The following TMTC3 variants were observed in gnomAD, a reference collection of about 807,000 sequenced individuals.
TMTC3 encodes the protein transmembrane O-mannosyltransferase targeting cadherins 3.
In TMTC3, 52 loss-of-function variants were observed where a neutral mutation model predicts 92.2. That is an observed-to-expected ratio of 0.56 (90% CI 0.45 to 0.71). The LOEUF (loss-of-function observed/expected upper bound fraction) is 0.71, where lower values mean the gene tolerates loss of function less well. TMTC3 is among the 30% of genes least tolerant of loss of function. The pLI is 0.00. For missense variants in TMTC3, 896 were observed against 1,057.1 expected (o/e 0.85, Z 2.11); for synonymous variants, 339 against 363.3 (o/e 0.93, Z 0.76).
At chr12:88,154,444 T>A (rs1057505218) in intron 4 of TMTC3, 57 bp downstream of exon 4, 1 of 1,213,984 alleles carries the variant, frequency 8.2e-7, no homozygotes, top group African/African-American at 1.5e-5. Context: ...TTAAGGAATT[T>A]TTATTTACTC....
chr12:88,161,143 A>G (rs1449811963), intron 6 of TMTC3, among the ~76,000 whole-genome samples: 2 of 152,070 alleles, frequency 1.3e-5, no homozygotes, highest in Non-Finnish European at 2.9e-5. Flanking sequence ...TTGTCTACTC[A>G]TTCTGTCAGT....
At chr12:88,180,033 A>T (rs1044149687) in intron 10 of TMTC3, among the ~76,000 whole-genome samples, 1 of 152,050 alleles carries the variant, frequency 6.6e-6, no homozygotes, top group Non-Finnish European at 1.5e-5. Flanking sequence ...TTTCCCTATA[A>T]CTTTTTCTTA....
Position 88,188,858 on chromosome 12 carries a change from A to G in TMTC3, c.1448A>G (p.His483Arg), listed in dbSNP as rs766330870. 1.9e-6 allele frequency: 3 copies of G among 1,577,212 alleles called. No individual in the cohort carries two copies. Among genetic ancestry groups the G allele is most frequent in the African/African-American group, 1.4e-5 (1 of 73,368 alleles). Residue 483 changes from histidine to arginine, a missense_variant, in exon 11 of 14, where the codon CAT (histidine) becomes CGT (arginine). Coordinates refer to ENST00000266712, the MANE Select transcript of TMTC3 (RefSeq NM_181783.4). ...THVQPDDIGAHMNVGRTYKNL... is the reference protein window; with the variant it reads ...THVQPDDIGARMNVGRTYKNL... ...AAAATTTTAGATGATATTGGTGCCC[A>G]TATGAATGTAGGAAGAACTTATAAA...
chr12:88,170,773 G>A (rs996898341), intron 7 of TMTC3, among the ~76,000 whole-genome samples: 3 of 152,170 alleles, frequency 2.0e-5, no homozygotes, highest in Non-Finnish European at 2.9e-5. Context: ...ACAAAATATG[G>A]AAGCAGATGT....
intron 4 of TMTC3, among the ~76,000 whole-genome samples, chr12:88,159,067 GAAAA>G (rs538720655): frequency 6.2e-5 from 7 of 113,126 alleles, no homozygotes; most frequent in Admixed American, 1.7e-4. Context: ...AAAAAAAAAG[GAAAA>G]AAAAAAAAAA....
intron 6 of TMTC3, among the ~76,000 whole-genome samples, chr12:88,163,203 A>G (rs1413691272): frequency 6.6e-6 from 1 of 152,208 alleles, no homozygotes; most frequent in Non-Finnish European, 1.5e-5. Flanking sequence ...GGCATGAGCC[A>G]CTGCACCCAG....
At chr12:88,172,483 G>C (rs2041214955) in intron 7 of TMTC3, 114 bp from the exon 8 acceptor site, 1 of 511,922 alleles carries the variant, frequency 2.0e-6, no homozygotes, top group East Asian at 4.8e-5. Flanking sequence ...ACACTATCCA[G>C]GTTAAATGAT....
intron 10 of TMTC3, among the ~76,000 whole-genome samples, chr12:88,184,105 G>A (rs914897599): frequency 6.6e-5 from 10 of 152,086 alleles, no homozygotes; most frequent in South Asian, 6.2e-4. Context: ...GGAATTTTGC[G>A]TGACAGCGTG....
intron 1 of TMTC3, among the ~76,000 whole-genome samples, chr12:88,145,869 A>T (rs754056237): frequency 1.2e-4 from 19 of 152,196 alleles, no homozygotes; most frequent in Non-Finnish European, 2.5e-4. Flanking sequence ...TTTCTTATAG[A>T]CATAATGAAT....
In TMTC3 at chr12:88,145,050, C is replaced by G. The variant is rs2040855873; in HGVS notation, c.-29+2563C>G. Among the ~76,000 whole-genome samples, 3 of 152,076 alleles carry G rather than the reference C, an allele frequency of 2.0e-5. No individual in the cohort carries two copies. The South Asian group carries it at 6.2e-4, about 32-fold the overall frequency. ...GACCAAAATCACTTCACAAGAAGGC[C>G]TCACCTTTTATTATTGCTTACCTTT... On this transcript the variant is annotated intron_variant, in intron 1 of 13. Coordinates refer to ENST00000266712, the MANE Select transcript of TMTC3 (RefSeq NM_181783.4).
chr12:88,165,825 T>A (rs531057023), intron 6 of TMTC3, among the ~76,000 whole-genome samples: 1 of 152,260 alleles, frequency 6.6e-6, no homozygotes, highest in South Asian at 2.1e-4. Context: ...CTAGGTGATA[T>A]GGTTTTCTCT....
chr12:88,195,851 G>A lies in TMTC3; in HGVS notation c.*202G>A, dbSNP rs1258232556. On this transcript the variant is annotated 3_prime_UTR_variant, in exon 14 of 14. Transcript: ENST00000266712. ...TATGTATCGCTGTTTTCAGAGTGTGGGTGAATATAGCAGAAATATTACAGC... is the reference window on the plus strand; with the variant it reads ...TATGTATCGCTGTTTTCAGAGTGTGAGTGAATATAGCAGAAATATTACAGC... The A allele has an allele frequency of 2.5e-6, 1 of 395,074 alleles. No individual in the cohort carries two copies. The highest frequency in any genetic ancestry group is 7.4e-5 in the South Asian group (1 of 13,478). 24.5% of individuals were successfully genotyped at this position (395,074 alleles called of 1,614,324 possible). A position where few individuals can be genotyped will look rare whatever the true frequency, so the allele number is the denominator to read the frequency against.
intron 7 of TMTC3, among the ~76,000 whole-genome samples, chr12:88,170,302 G>A (rs1018311569): frequency 6.6e-6 from 1 of 152,128 alleles, no homozygotes; most frequent in Non-Finnish European, 1.5e-5. Flanking sequence ...ATTCCCTCAA[G>A]TGAAATTGCC....
chr12:88,172,425 T>C (rs1291968173), intron 7 of TMTC3, among the ~76,000 whole-genome samples, 172 bp from the exon 8 acceptor site: 1 of 151,918 alleles, frequency 6.6e-6, no homozygotes, highest in East Asian at 1.9e-4. Context: ...GCCTTCTTTA[T>C]GTTTAAATTA....
At chr12:88,182,327 T>G in intron 10 of TMTC3, among the ~76,000 whole-genome samples, 1 of 152,214 alleles carries the variant, frequency 6.6e-6, no homozygotes, top group East Asian at 1.9e-4. Flanking sequence ...GCTTGCTCTA[T>G]TTTTTCAATT....
intron 2 of TMTC3, among the ~76,000 whole-genome samples, chr12:88,150,573 G>A (rs1376654021): frequency 6.6e-6 from 1 of 152,142 alleles, no homozygotes; most frequent in Non-Finnish European, 1.5e-5. Flanking sequence ...CAGAATGGAT[G>A]AACAAACTAG....
intron 10 of TMTC3, among the ~76,000 whole-genome samples, chr12:88,188,133 G>A (rs1191280306): frequency 6.6e-6 from 1 of 151,814 alleles, no homozygotes; most frequent in African/African-American, 2.4e-5. Flanking sequence ...AAAAGAGCTG[G>A]GCCACTGCAT....
rs1216640902 is a variant in TMTC3 at position 88,153,525 on chromosome 12, AACTG to A, written c.408+20_408+23del. 1.1e-5 allele frequency: 17 copies of A among 1,493,472 alleles called. No homozygotes were observed. Among genetic ancestry groups the A allele is most frequent in the Non-Finnish European group, 1.6e-5 (17 of 1,087,988 alleles). The allele number at this position is 1,493,472 out of a possible 1,614,324, so 92.5% of individuals were successfully genotyped here. ...CACAGAAGCAGTAAGTAAAACTATG[AACTG>A]ACTTTTTTTCTTTTTCCTTTTTTAC... On this transcript the variant is annotated intron_variant, in intron 3 of 13. Transcript: ENST00000266712.
rs1285320805 is a variant in TMTC3 at position 88,196,214 on chromosome 12, T to C, written c.*565T>C. 1 of 152,480 alleles carries C rather than the reference T, an allele frequency of 6.6e-6. No homozygotes were observed. The highest frequency in any genetic ancestry group is 1.9e-4 in the East Asian group (1 of 5,196). 9.4% of individuals were successfully genotyped at this position (152,480 alleles called of 1,614,324 possible). A position where few individuals can be genotyped will look rare whatever the true frequency, so the allele number is the denominator to read the frequency against. On this transcript the variant is annotated 3_prime_UTR_variant, in exon 14 of 14. Transcript: ENST00000266712. ...ACATTTTAAAATAAGTCATGACATG[T>C]TAGCTTGAGAATGTATTTTCATAAT...
Sources: allele counts gnomAD v4.1 joint callset (sites outside exome capture counted in the v4.1 genomes callset), GRCh38; gene constraint gnomAD v4.1.1; transcripts MANE v1.5; gene names NCBI Gene and HGNC (gene_info 2026-07-23, HGNC 2026-07-21).